TGM7: variants seen among roughly 807,000 people sequenced by gnomAD.
TGM7 encodes protein-glutamine gamma-glutamyltransferase Z.
A neutral mutation model predicts 79.5 loss-of-function variants in TGM7; 74 were observed. That is an observed-to-expected ratio of 0.93 (90% CI 0.77 to 1.13). The LOEUF (loss-of-function observed/expected upper bound fraction) is 1.13. TGM7 is among the 50% of genes most tolerant of loss of function. TGM7 has a pLI of 0.00. For synonymous variants in TGM7, 354 were observed against 362.5 expected, an observed-to-expected ratio of 0.98 and a Z score of 0.27; for missense variants, 912 against 905.9, an observed-to-expected ratio of 1.01 and a Z score of -0.09.
chr15:43,290,422 A>C (rs1053500126), intron 4 of TGM7, among the ~76,000 whole-genome samples: 8 of 152,146 alleles, frequency 5.3e-5, no homozygotes, highest in East Asian at 3.8e-4. Flanking sequence ...CCATTGATCT[A>C]TATCTCTGTT....
At chr15:43,291,245 C>A (rs150995566) in intron 4 of TGM7, among the ~76,000 whole-genome samples, 1 of 152,140 alleles carries the variant, frequency 6.6e-6, no homozygotes, top group South Asian at 2.1e-4. Flanking sequence ...CCCATCAATA[C>A]CTAATTTATT....
intron 4 of TGM7, among the ~76,000 whole-genome samples, chr15:43,288,695 C>T (rs1040107722): frequency 4.6e-5 from 7 of 152,022 alleles, no homozygotes; most frequent in South Asian, 2.1e-4. Flanking sequence ...TTCGAGAGGC[C>T]GAGGCAGGTG....
Position 43,292,787 on chromosome 15 carries a change from C to G in TGM7, c.361G>C (p.Glu121Gln). 1 of 1,614,158 alleles carries G rather than the reference C, an allele frequency of 6.2e-7. No homozygotes were observed. The highest frequency in any genetic ancestry group is 8.5e-7 in the Non-Finnish European group (1 of 1,180,026). The part of the protein sequence containing the change: ...AVIGHYTLKI[E>Q]ISQGQGHSVT... ...CTGTGACCTTGGCCCTGAGAGATCT[C>G]TATTTTCAGAGTGTAATGGCCAATA... Residue 121 changes from glutamate to glutamine, a missense_variant, in exon 3 of 13, where the codon GAG (glutamate) becomes CAG (glutamine). Transcript: ENST00000452443.
At chr15:43,285,426 C>G (rs1039889794) in intron 6 of TGM7, among the ~76,000 whole-genome samples, 3 of 152,138 alleles carry the variant, frequency 2.0e-5, no homozygotes, top group African/African-American at 7.2e-5. Flanking sequence ...GTTCCAGCTA[C>G]TAGGGAGGCT....
chr15:43,287,941 A>G (rs1047425714), intron 4 of TGM7, among the ~76,000 whole-genome samples: 1 of 152,198 alleles, frequency 6.6e-6, no homozygotes, highest in Non-Finnish European at 1.5e-5. Flanking sequence ...TCGGCTGAAC[A>G]GATGAGAGAA....
rs534992291 is a variant in TGM7 at position 43,293,568 on chromosome 15, G to A, written c.74C>T (p.Thr25Met). Reference protein sequence around the residue: ...QSSRNNKEHHTQEMGVKRLTV... With the variant: ...QSSRNNKEHHMQEMGVKRLTV... ...GAGCCGCTTGACGCCCATCTCCTGC[G>A]TGTGGTGCTCCTTGTTGTTCCTGGA... Residue 25 changes from threonine (T) to methionine (M), a missense_variant, in exon 2 of 13, where the codon ACG becomes ATG. Thr to Met is a moderately conservative substitution (Grantham distance 81, BLOSUM62 -1). Coordinates refer to ENST00000452443, the MANE Select transcript of TGM7 (RefSeq NM_052955.3). The A allele has an allele frequency of 8.1e-6, 13 of 1,611,194 alleles. No individual in the cohort carries two copies. In the African/African-American group the frequency reaches 1.6e-4, roughly 20 times the overall value.
Position 43,276,524 on chromosome 15 carries a change from G to A in TGM7, c.2064C>T (p.Ile688=). The change falls in exon 13 of 13, where the codon ATC becomes ATT. Residue 688 remains isoleucine (I), a synonymous_variant. Coordinates refer to ENST00000452443, the MANE Select transcript of TGM7 (RefSeq NM_052955.3). Reference sequence around the variant, plus strand: ...TGATCTCCTTGACCTCGTTGCTGCTGATGAGAACCTGGAGCTGGCGGGGTC... The same window carrying A: ...TGATCTCCTTGACCTCGTTGCTGCTAATGAGAACCTGGAGCTGGCGGGGTC... ...KAGPRQLQVL[I]SSNEVKEIKG... The A allele has an allele frequency of 6.2e-7, 1 of 1,614,224 alleles. No homozygotes were observed. The highest frequency in any genetic ancestry group is 1.1e-5 in the South Asian group (1 of 91,090).
Position 43,276,967 on chromosome 15 carries a change from G to A in TGM7, c.1868C>T (p.Ala623Val), listed in dbSNP as rs375934816. ...GGTGAGGGTGACATGGACTCTCAGC[G>A]CCTTGCCCACCTCAGCCCTCTCAGA... The part of the protein sequence containing the change: ...EVSERAEVGK[A>V]LRVHVTLTNT... Residue 623 changes from alanine (A) to valine (V), a missense_variant, in exon 12 of 13, where the codon GCG becomes GTG. Transcript: ENST00000452443. 20 of 1,613,938 alleles carry A rather than the reference G, an allele frequency of 1.2e-5. No individual in the cohort carries two copies. Among genetic ancestry groups the A allele is most frequent in the Middle Eastern group, 1.6e-4 (1 of 6,082 alleles).
At chr15:43,287,128 C>T in intron 6 of TGM7, 152 bp downstream of exon 6, 1 of 825,044 alleles carries the variant, frequency 1.2e-6, no homozygotes, top group South Asian at 1.7e-5. Context: ...CACAGGATCC[C>T]TCGAGACTGT....
intron 4 of TGM7, 39 bp downstream of exon 4, chr15:43,291,940 G>A: frequency 2.7e-6 from 4 of 1,503,326 alleles, no homozygotes; most frequent in Non-Finnish European, 3.7e-6. Flanking sequence ...ACCAGCCTTA[G>A]GGAGCCCACC....
chr15:43,294,715 C>A (rs918834686), intron 1 of TGM7, among the ~76,000 whole-genome samples: 1 of 152,146 alleles, frequency 6.6e-6, no homozygotes, highest in African/African-American at 2.4e-5. Flanking sequence ...TGGTTCTCAA[C>A]GGGAAATTCC....
At chr15:43,282,116 G>C in intron 8 of TGM7, 30 bp from the exon 9 acceptor site, 1 of 1,607,786 alleles carries the variant, frequency 6.2e-7, no homozygotes, top group South Asian at 1.1e-5. Context: ...CTGATATGGG[G>C]GCCAGGGGCA....
rs140272697 is a variant in TGM7, at chr15:43,292,810, A to G, written c.338T>C (p.Ile113Thr). ...CTCTATTTTCAGAGTGTAATGGCCA[A>G]TAACTGCATTGGCTGGTGTGAAAAG... ...VSLFTPANAV[I>T]GHYTLKIEIS... The change falls in exon 3 of 13, where the codon ATT becomes ACT. Residue 113 changes from isoleucine (I) to threonine (T), a missense_variant. Coordinates refer to ENST00000452443, the MANE Select transcript of TGM7 (RefSeq NM_052955.3). 5.8e-5 allele frequency: 94 copies of G among 1,614,058 alleles called. No homozygotes were observed. The highest frequency in any genetic ancestry group is 1.2e-4 in the Admixed American group (7 of 60,008).
intron 1 of TGM7, among the ~76,000 whole-genome samples, chr15:43,296,220 T>C (rs1167444754): frequency 1.3e-5 from 2 of 152,032 alleles, no homozygotes; most frequent in Admixed American, 1.3e-4. Context: ...GGTCAGGAGA[T>C]TGAGACCATC....
At chr15:43,280,796 A>T (rs1216265555) in intron 9 of TGM7, among the ~76,000 whole-genome samples, 1 of 152,244 alleles carries the variant, frequency 6.6e-6, no homozygotes, top group African/African-American at 2.4e-5. Context: ...AGAAATGGTA[A>T]AAAACAGAAG....
At chr15:43,285,174 G>C (rs2042928998) in intron 6 of TGM7, among the ~76,000 whole-genome samples, 1 of 152,162 alleles carries the variant, frequency 6.6e-6, no homozygotes. Flanking sequence ...TTTGAGGGTC[G>C]CTTAAAACAA....
In TGM7 at chr15:43,276,985, C is replaced by T. The variant is rs758196346; in HGVS notation, c.1850G>A (p.Arg617Lys). The change falls in exon 12 of 13, where the codon AGG becomes AAG. Residue 617 changes from arginine (R) to lysine (K), a missense_variant. By Grantham distance (26) the Arg-to-Lys change is conservative. Transcript: ENST00000452443. The part of the protein sequence containing the change: ...PPHLSIEVSE[R>K]AEVGKALRVH... Reference sequence around the variant, plus strand: ...TCTCAGCGCCTTGCCCACCTCAGCCCTCTCAGACACCTGTGTGGAGAGAAG... The same window carrying T: ...TCTCAGCGCCTTGCCCACCTCAGCCTTCTCAGACACCTGTGTGGAGAGAAG... 6.2e-7 allele frequency: 1 copy of T among 1,614,022 alleles called. No homozygotes were observed. Among genetic ancestry groups the T allele is most frequent in the East Asian group, 2.2e-5 (1 of 44,882 alleles).
intron 1 of TGM7, among the ~76,000 whole-genome samples, chr15:43,295,104 A>G (rs1456145017): frequency 6.6e-6 from 1 of 152,094 alleles, no homozygotes; most frequent in Admixed American, 6.6e-5. Flanking sequence ...GCATCTCCCT[A>G]TGTTGCCCAG....
chr15:43,278,720 C>T (rs751369525), intron 11 of TGM7, among the ~76,000 whole-genome samples: 13 of 152,232 alleles, frequency 8.5e-5, no homozygotes, highest in Non-Finnish European at 1.9e-4. Context: ...TCCCAAAGCA[C>T]TGGGATTACA....
Sources: allele counts gnomAD v4.1 joint callset (sites outside exome capture counted in the v4.1 genomes callset), GRCh38; gene constraint gnomAD v4.1.1; transcripts MANE v1.5; gene names NCBI Gene and HGNC (gene_info 2026-07-23, HGNC 2026-07-21).